The following GORASP2 variants were observed in gnomAD, a reference collection of about 807,000 sequenced individuals.
GORASP2 encodes the protein Golgi reassembly-stacking protein 2.
In GORASP2, 22 loss-of-function variants were observed where a neutral mutation model predicts 45.7. That is an observed-to-expected ratio of 0.48 (90% CI 0.34 to 0.69). GORASP2 has a LOEUF of 0.69. Among genes scored for constraint, GORASP2 ranks in the 30% least tolerant of loss-of-function variants. GORASP2 has a pLI of 0.01. For synonymous variants in GORASP2, 221 were observed against 215.6 expected (o/e 1.02, Z -0.22); for missense variants, 491 against 562.7 (o/e 0.87, Z 1.29).
At chr2:170,943,785 G>A (rs71415233) in intron 1 of GORASP2, among the ~76,000 whole-genome samples, 31,303 of 152,040 alleles carry the variant, frequency 0.21, 3,888 homozygotes, top group Non-Finnish European at 0.29. Context: ...CAATCCTCCC[G>A]CCTTAGCTTC....
chr2:170,936,199 G>A (rs1215839639), intron 1 of GORASP2, among the ~76,000 whole-genome samples: 1 of 140,238 alleles, frequency 7.1e-6, no homozygotes, highest in African/African-American at 2.6e-5. Flanking sequence ...GAAATAGAAA[G>A]TTTGATATGT....
Position 170,949,596 on chromosome 2 carries a change from A to G in GORASP2, c.202A>G (p.Lys68Glu). The change falls in exon 3 of 10, where the codon AAG (lysine) becomes GAG (glutamate). Residue 68 changes from lysine (K) to glutamate (E), a missense_variant. This residue lies in a region of GORASP2 where 194 missense variants were observed against 270.4 expected (regional missense o/e 0.72). Coordinates refer to ENST00000234160, the MANE Select transcript of GORASP2 (RefSeq NM_015530.5). The stretch of plus-strand genomic sequence containing the variant: ...GAAAGCAAACGTTGAAAAGCCTGTA[A>G]AGATGCTTATCTATAGCAGCAAAAC... Reference protein sequence around the residue: ...LLKANVEKPVKMLIYSSKTLE... With the variant: ...LLKANVEKPVEMLIYSSKTLE... The G allele has an allele frequency of 6.2e-7, 1 of 1,613,868 alleles. No homozygotes were observed. The highest frequency in any genetic ancestry group is 8.5e-7 in the Non-Finnish European group (1 of 1,179,738).
intron 1 of GORASP2, among the ~76,000 whole-genome samples, chr2:170,931,418 TTGCCTAA>T (rs1459493887): frequency 3.3e-5 from 5 of 152,210 alleles, no homozygotes; most frequent in African/African-American, 1.2e-4. Flanking sequence ...TCATTTGTTA[TTGCCTAA>T]ATGGACAGCG....
chr2:170,956,347 C>CT, intron 6 of GORASP2, 89 bp from the exon 7 acceptor site: 4 of 1,162,976 alleles, frequency 3.4e-6, no homozygotes, highest in Non-Finnish European at 4.8e-6. Flanking sequence ...AACCAAATAT[C>CT]TATCTGCAGG....
At chr2:170,935,990 A>G (rs1233134048) in intron 1 of GORASP2, among the ~76,000 whole-genome samples, 3 of 152,190 alleles carry the variant, frequency 2.0e-5, no homozygotes, top group African/African-American at 7.2e-5. Context: ...TTCAGTAAGT[A>G]GTAGAGTGTA....
At chr2:170,944,687 A>G (rs991363921) in intron 1 of GORASP2, among the ~76,000 whole-genome samples, 1 of 152,240 alleles carries the variant, frequency 6.6e-6, no homozygotes, top group African/African-American at 2.4e-5. Context: ...TCAGCTTTCT[A>G]CATGAGTGAT....
chr2:170,950,042 A>C, intron 3 of GORASP2, 162 bp from the exon 4 acceptor site: 2 of 543,290 alleles, frequency 3.7e-6, no homozygotes, highest in South Asian at 6.0e-5. Flanking sequence ...TTTTATGCTC[A>C]GAAGTTTAAA....
chr2:170,936,141 G>T (rs1346611587), intron 1 of GORASP2, among the ~76,000 whole-genome samples: 4 of 151,514 alleles, frequency 2.6e-5, no homozygotes, highest in African/African-American at 9.7e-5. Context: ...TCTATTGAAA[G>T]GATTATATAT....
chr2:170,966,342 A>G lies in GORASP2; in HGVS notation c.*212A>G. The G allele has an allele frequency of 1.7e-6, 1 of 578,064 alleles. No homozygotes were observed. Among genetic ancestry groups the G allele is most frequent in the East Asian group, 3.0e-5 (1 of 33,858 alleles). The allele number at this position is 578,064 out of a possible 1,614,324, so 35.8% of individuals were successfully genotyped here. A position where few individuals can be genotyped will look rare whatever the true frequency, so the allele number is the denominator to read the frequency against. Reference sequence around the variant, plus strand: ...GGGTGAGATGTCAGAAAGCGCTTGTATTTTAAACAACCAAAAAGAATTGTA... The same window carrying G: ...GGGTGAGATGTCAGAAAGCGCTTGTGTTTTAAACAACCAAAAAGAATTGTA... On this transcript the variant is annotated 3_prime_UTR_variant, in exon 10 of 10. Transcript: ENST00000234160.
chr2:170,965,069 C>T (rs925767803), intron 9 of GORASP2, among the ~76,000 whole-genome samples: 1 of 151,484 alleles, frequency 6.6e-6, no homozygotes, highest in Non-Finnish European at 1.5e-5. Flanking sequence ...TGCCACCACG[C>T]CCGGCTAATT....
At chr2:170,965,200 C>T (rs577042591) in intron 9 of GORASP2, among the ~76,000 whole-genome samples, 135 of 152,262 alleles carry the variant, frequency 8.9e-4, no homozygotes, top group African/African-American at 3.2e-3. Context: ...CAGGCGTGAG[C>T]CACCACGCCT....
In GORASP2 at chr2:170,966,449, G is replaced by A. The variant is rs1416009120; in HGVS notation, c.*319G>A. On this transcript the variant is annotated 3_prime_UTR_variant, in exon 10 of 10. Transcript: ENST00000234160. The stretch of plus-strand genomic sequence containing the variant: ...AAGGTGGTGGCGGGGCGTCCACTAG[G>A]TTTCCTGTCCCCTGCTGCTCCTTCC... 2 of 430,176 alleles carry A rather than the reference G, an allele frequency of 4.6e-6. No individual in the cohort carries two copies. The highest frequency in any genetic ancestry group is 8.5e-6 in the Non-Finnish European group (2 of 236,620). The allele number at this position is 430,176 out of a possible 1,614,324, so 26.6% of individuals were successfully genotyped here. A position where few individuals can be genotyped will look rare whatever the true frequency, so the allele number is the denominator to read the frequency against.
At chr2:170,953,192 CAAAAAATACA>C (rs1030758666) in intron 5 of GORASP2, among the ~76,000 whole-genome samples, 12 of 151,960 alleles carry the variant, frequency 7.9e-5, no homozygotes, top group African/African-American at 2.9e-4. Context: ...GTTGTCTCTA[CAAAAAATACA>C]AAAATTAGCC....
intron 1 of GORASP2, among the ~76,000 whole-genome samples, chr2:170,934,782 G>A (rs894366766): frequency 8.6e-5 from 13 of 151,548 alleles, no homozygotes; most frequent in African/African-American, 2.9e-4. Context: ...CTGTTGCCAC[G>A]GCTGGAGTGC....
chr2:170,953,720 A>G (rs1275028727), intron 5 of GORASP2: 2 of 152,274 alleles, frequency 1.3e-5, no homozygotes, highest in Non-Finnish European at 2.9e-5. Context: ...ATTAGCTCAT[A>G]TAATCAAGGA....
At chr2:170,958,653 CTTTTTTTTTT>C (rs1179921216) in intron 7 of GORASP2, among the ~76,000 whole-genome samples, 1 of 105,518 alleles carries the variant, frequency 9.5e-6, no homozygotes, top group African/African-American at 3.9e-5. Flanking sequence ...TCCAGATGCT[CTTTTTTTTTT>C]TTTTTTTTTT....
chr2:170,951,327 G>A lies in GORASP2; in HGVS notation c.436-1G>A. On this transcript the variant is annotated splice_acceptor_variant, in intron 4 of 9. Transcript: ENST00000234160. LOFTEE classifies it high-confidence loss of function. ...CATTTTCTCCTGTGACACTTTTGCA[G>A]TCTGAAGATCTATTCAGCCTTATCG... 6.3e-7 allele frequency: 1 copy of A among 1,594,966 alleles called. No homozygotes were observed. Among genetic ancestry groups the A allele is most frequent in the Non-Finnish European group, 8.5e-7 (1 of 1,173,284 alleles).
At chr2:170,962,801 A>G (rs1704593996) in intron 8 of GORASP2, 38 bp from the exon 9 acceptor site, 3 of 1,338,818 alleles carry the variant, frequency 2.2e-6, no homozygotes, top group East Asian at 2.3e-5. Flanking sequence ...CCCCAGGTCA[A>G]GTGATTTCTC....
Position 170,950,023 on chromosome 2 carries a change from T to C in GORASP2, c.349-181T>C, listed in dbSNP as rs1045510803. On this transcript the variant is annotated intron_variant, in intron 3 of 9. Transcript: ENST00000234160. ...AAATATTTTAAATATTTGTTAAATA[T>C]TATGTAATTTTTATGCTCAGAAGTT... 3 of 529,994 alleles carry C rather than the reference T, an allele frequency of 5.7e-6. No homozygotes were observed. The Admixed American group carries it at 1.1e-4, about 19-fold the overall frequency. The allele number at this position is 529,994 out of a possible 1,614,324, so 32.8% of individuals were successfully genotyped here.
Sources: gnomAD v4.1 joint callset for allele counts (sites outside exome capture counted in the v4.1 genomes callset) on GRCh38, gnomAD v4.1.1 for gene constraint, gnomAD v4.1.1 regional missense constraint, MANE v1.5 for transcripts, NCBI Gene and HGNC (gene_info 2026-07-23, HGNC 2026-07-21) for gene names.